The following RBFOX1 variants were observed in gnomAD, a reference collection of about 807,000 sequenced individuals.
RBFOX1 encodes the protein RNA binding fox-1 homolog 1, also known as RNA binding protein fox-1 homolog 1.
RBFOX1 carries 8 observed loss-of-function variants against 57.7 expected under a neutral mutation model. The ratio of observed to expected loss-of-function variants is 0.14; its 90% CI spans 0.08 to 0.25. RBFOX1 has a LOEUF of 0.25. Ranked by LOEUF, RBFOX1 falls within the 10% of genes least tolerant of loss-of-function variation. The pLI is 1.00. For synonymous variants in RBFOX1, 326 were observed against 222.4 expected (o/e 1.47, Z -4.15); for missense variants, 611 against 548.5 (o/e 1.11, Z -1.14).
At chr16:5,639,215 A>C (rs901041322) in intron 3 of RBFOX1, among the ~76,000 whole-genome samples, 1 of 152,216 alleles carries the variant, frequency 6.6e-6, no homozygotes, top group African/African-American at 2.4e-5. Flanking sequence ...AATTGTGTGC[A>C]CACATTTCAT....
At chr16:6,934,813 C>T (rs556997075) in intron 3 of RBFOX1, among the ~76,000 whole-genome samples, 17 of 152,066 alleles carry the variant, frequency 1.1e-4, no homozygotes, top group African/African-American at 3.1e-4. Context: ...AAGCCAGGTG[C>T]GGTGGCTCCT....
intron 2 of RBFOX1, among the ~76,000 whole-genome samples, chr16:6,648,244 A>G (rs560749259): frequency 4.6e-5 from 7 of 151,424 alleles, no homozygotes; most frequent in Non-Finnish European, 1.0e-4. Flanking sequence ...TTTTTTTTGT[A>G]GAGACACTGT....
At chr16:5,430,842 A>G (rs983413734) in intron 1 of RBFOX1, among the ~76,000 whole-genome samples, 2 of 152,230 alleles carry the variant, frequency 1.3e-5, no homozygotes, top group Admixed American at 1.3e-4. Context: ...TACAACAGCC[A>G]ACCTTTACAC....
intron 4 of RBFOX1, among the ~76,000 whole-genome samples, chr16:5,966,186 C>T (rs890224960): frequency 6.6e-5 from 10 of 151,712 alleles, no homozygotes; most frequent in Non-Finnish European, 1.3e-4. Flanking sequence ...CTCATAAAGC[C>T]ACCGTGAGTG....
chr16:6,453,619 A>G (rs1293320534), intron 2 of RBFOX1, among the ~76,000 whole-genome samples: 5 of 152,160 alleles, frequency 3.3e-5, no homozygotes, highest in African/African-American at 9.7e-5. Context: ...AGGAGCTGGT[A>G]CTGTTCCTTC....
At chr16:6,265,841 T>G (rs566501633) in intron 1 of RBFOX1, among the ~76,000 whole-genome samples, 1 of 152,306 alleles carries the variant, frequency 6.6e-6, no homozygotes, top group South Asian at 2.1e-4. Context: ...CTGCCCAGAT[T>G]CTTCTTGCTC....
intron 3 of RBFOX1, among the ~76,000 whole-genome samples, chr16:5,745,027 T>G (rs2052921500): frequency 6.6e-6 from 1 of 152,188 alleles, no homozygotes; most frequent in African/African-American, 2.4e-5. Context: ...GTGTGCCCTG[T>G]TGGTGTGCTG....
At chr16:6,143,619 C>G (rs2096735347) in intron 1 of RBFOX1, among the ~76,000 whole-genome samples, 1 of 152,118 alleles carries the variant, frequency 6.6e-6, no homozygotes, top group Admixed American at 6.5e-5. Flanking sequence ...ATAATTGCCC[C>G]AAATCATGCA....
chr16:6,624,660 T>C (rs1364759492), intron 2 of RBFOX1, among the ~76,000 whole-genome samples: 1 of 152,130 alleles, frequency 6.6e-6, no homozygotes, highest in Non-Finnish European at 1.5e-5. Context: ...GTTGGGTACA[T>C]TTTGTGGCAT....
intron 3 of RBFOX1, among the ~76,000 whole-genome samples, chr16:5,863,113 C>G (rs2057263805): frequency 6.6e-6 from 1 of 152,148 alleles, no homozygotes; most frequent in African/African-American, 2.4e-5. Context: ...TTGGGCAAGG[C>G]TCTTTATGTC....
chr16:6,928,656 C>G lies in RBFOX1; in HGVS notation c.-15-123401C>G, dbSNP rs540608382. On this transcript the variant is annotated intron_variant, in intron 3 of 15. Coordinates refer to ENST00000550418, the MANE Select transcript of RBFOX1 (RefSeq NM_018723.4). ...AGCCTTGCATTCATGTGGGATTCTT[C>G]AAAAGTAGCCCTCAAATTACTGAAG... Among the ~76,000 whole-genome samples, 196 of 152,070 alleles carry G rather than the reference C, an allele frequency of 1.3e-3. 1 individual carries two copies. Among genetic ancestry groups the G allele is most frequent in the Non-Finnish European group, 2.4e-3 (166 of 68,016 alleles).
chr16:5,587,211 C>A (rs766298703), intron 2 of RBFOX1, among the ~76,000 whole-genome samples: 3 of 152,172 alleles, frequency 2.0e-5, no homozygotes, highest in African/African-American at 7.2e-5. Flanking sequence ...AAGAGACTTA[C>A]ATCTAGAATA....
intron 1 of RBFOX1, among the ~76,000 whole-genome samples, chr16:5,374,705 T>C (rs926519376): frequency 2.1e-5 from 3 of 146,074 alleles, no homozygotes; most frequent in African/African-American, 7.8e-5. Context: ...ATGTGATTTA[T>C]CTCTATGTGT....
At chr16:6,277,539 A>G (rs1186192225) in intron 1 of RBFOX1, among the ~76,000 whole-genome samples, 1 of 151,114 alleles carries the variant, frequency 6.6e-6, no homozygotes, top group Non-Finnish European at 1.5e-5. Context: ...TGAGAGGCTA[A>G]GGCAGAAGGA....
At chr16:5,882,867 C>A (rs1175105679) in intron 4 of RBFOX1, among the ~76,000 whole-genome samples, 1 of 152,194 alleles carries the variant, frequency 6.6e-6, no homozygotes, top group Non-Finnish European at 1.5e-5. Flanking sequence ...GCAAATGAAA[C>A]ACTGTCAAAG....
At chr16:6,300,911 A>G (rs552993980) in intron 1 of RBFOX1, among the ~76,000 whole-genome samples, 37 of 152,318 alleles carry the variant, frequency 2.4e-4, no homozygotes, top group African/African-American at 7.2e-4. Flanking sequence ...TGCCCCATTT[A>G]TCTCTGAATC....
intron 3 of RBFOX1, among the ~76,000 whole-genome samples, chr16:6,813,749 C>G (rs999964565): frequency 7.9e-5 from 12 of 152,140 alleles, no homozygotes; most frequent in East Asian, 5.8e-4. Flanking sequence ...AAAATCAAAC[C>G]TCCTGGGCAT....
intron 5 of RBFOX1, chr16:7,519,844 A>T: frequency 7.6e-6 from 4 of 526,114 alleles, no homozygotes; most frequent in Non-Finnish European, 4.9e-6. Flanking sequence ...GCTACTTGCC[A>T]CCTCATTCAT....
At chr16:5,388,491 G>C (rs926761786) in intron 1 of RBFOX1, among the ~76,000 whole-genome samples, 15 of 152,140 alleles carry the variant, frequency 9.9e-5, no homozygotes, top group Admixed American at 2.6e-4. Context: ...CTAGTAGGTG[G>C]GCTGCACACA....
Sources: allele counts gnomAD v4.1 joint callset (sites outside exome capture counted in the v4.1 genomes callset), GRCh38; gene constraint gnomAD v4.1.1; transcripts MANE v1.5; gene names NCBI Gene and HGNC (gene_info 2026-07-23, HGNC 2026-07-21).